UBR1: variants seen among roughly 807,000 people sequenced by gnomAD.
UBR1 encodes ubiquitin protein ligase E3 component n-recognin 1.
In UBR1, 102 loss-of-function variants were observed where a neutral mutation model predicts 242.1. The observed-to-expected ratio is 0.42, with a 90% confidence interval of 0.36 to 0.50. The LOEUF (loss-of-function observed/expected upper bound fraction) is 0.50. Among genes scored for constraint, UBR1 ranks in the 20% least tolerant of loss-of-function variants. UBR1 has a pLI of 0.01. For synonymous variants in UBR1, 675 were observed against 684.8 expected (o/e 0.99, Z 0.22); for missense variants, 1,772 against 2,101.8 (o/e 0.84, Z 3.07).
intron 42 of UBR1, among the ~76,000 whole-genome samples, chr15:42,961,278 A>G (rs146531517): frequency 6.6e-6 from 1 of 151,086 alleles, no homozygotes; most frequent in East Asian, 2.0e-4. Context: ...ATGCCCGGTT[A>G]ATTTTTTATT....
At chr15:43,008,106 G>C (rs2032861124) in intron 29 of UBR1, among the ~76,000 whole-genome samples, 1 of 152,230 alleles carries the variant, frequency 6.6e-6, no homozygotes, top group South Asian at 2.1e-4. Context: ...ATAATCCTAT[G>C]AGGTAGGTGG....
In UBR1 at chr15:43,019,092, C is replaced by T. The variant is rs189247438; in HGVS notation, c.2941-1911G>A. On this transcript the variant is annotated intron_variant, in intron 27 of 46. Coordinates refer to ENST00000290650, the MANE Select transcript of UBR1 (RefSeq NM_174916.3). ...TCTTTTTTTTTTTGAGACGGAGTCT[C>T]GCTTTGTCGCCCACGCTGGAGTGCA... Among the ~76,000 whole-genome samples, 149 of 151,910 alleles carry T rather than the reference C, an allele frequency of 9.8e-4. 1 individual carries two copies. Among genetic ancestry groups the T allele is most frequent in the African/African-American group, 3.5e-3 (146 of 41,464 alleles).
At chr15:43,024,804 G>A (rs2033157939) in intron 25 of UBR1, 25 bp downstream of exon 25, 9 of 1,613,930 alleles carry the variant, frequency 5.6e-6, no homozygotes, top group African/African-American at 1.3e-5. Context: ...ACTTGATGTA[G>A]AGAAAATATT....
intron 22 of UBR1, 139 bp downstream of exon 22, chr15:43,027,637 T>TTC: frequency 1.4e-6 from 1 of 729,020 alleles, no homozygotes; most frequent in Non-Finnish European, 2.3e-6. Flanking sequence ...GAGCCCCTCA[T>TTC]TCTCACCCTT....
At chr15:43,030,139 A>G in intron 20 of UBR1, 71 bp from the exon 21 acceptor site, 1 of 1,523,590 alleles carries the variant, frequency 6.6e-7, no homozygotes, top group Non-Finnish European at 8.9e-7. Flanking sequence ...CCCCATCAGA[A>G]GCACTTACAC....
rs549237263 is a variant in UBR1 at position 43,086,001 on chromosome 15, C to T, written c.321G>A (p.Glu107=). ...ATTCTTACCTGCAAGAATAGGTTGT[C>T]TCTCCACTTTTGAAAACCCTCCCAC... is the stretch of plus-strand genomic sequence containing the variant. ...QLCGRVFKSG[E]TTYSCRDCAI... Residue 107 remains glutamate (E), a synonymous_variant, in exon 2 of 47, where the codon GAG becomes GAA. Coordinates refer to ENST00000290650, the MANE Select transcript of UBR1 (RefSeq NM_174916.3). 6.2e-6 allele frequency: 10 copies of T among 1,613,446 alleles called. No homozygotes were observed. The highest frequency in any genetic ancestry group is 1.1e-5 in the South Asian group (1 of 91,054).
chr15:42,965,991 C>T (rs1385758985), intron 41 of UBR1, among the ~76,000 whole-genome samples, 162 bp downstream of exon 41: 1 of 152,034 alleles, frequency 6.6e-6, no homozygotes, highest in Non-Finnish European at 1.5e-5. Context: ...TTTGGCCTCA[C>T]CTTTAACCTA....
chr15:43,077,512 G>A (rs1045244252), intron 3 of UBR1, among the ~76,000 whole-genome samples: 7 of 151,022 alleles, frequency 4.6e-5, no homozygotes, highest in African/African-American at 1.2e-4. Context: ...CAAACACTGC[G>A]GAAGGCCGCA....
rs556977744 is a variant in UBR1, at chr15:43,036,424, T to A, written c.2088+104A>T. 5.1e-6 allele frequency: 6 copies of A among 1,187,508 alleles called. No homozygotes were observed. The Admixed American group carries it at 8.7e-5, about 17-fold the overall frequency. 73.6% of individuals were successfully genotyped at this position (1,187,508 alleles called of 1,614,324 possible). ...CTATGAGTCATAATCAGTTTAACAG[T>A]GAGAGTATTTTAAGTTAAAAATTAT... is the stretch of plus-strand genomic sequence containing the variant. On this transcript the variant is annotated intron_variant, in intron 18 of 46. Transcript: ENST00000290650.
At chr15:42,989,595 A>G (rs1260062746) in intron 34 of UBR1, among the ~76,000 whole-genome samples, 2 of 152,232 alleles carry the variant, frequency 1.3e-5, no homozygotes, top group Non-Finnish European at 2.9e-5. Flanking sequence ...TAACCTAATG[A>G]GGCAGGATAG....
chr15:42,998,820 A>C (rs1450488160), intron 32 of UBR1, among the ~76,000 whole-genome samples: 5 of 152,132 alleles, frequency 3.3e-5, no homozygotes, highest in African/African-American at 4.8e-5. Flanking sequence ...AGGATCATAT[A>C]ACTTCTAATC....
At chr15:43,024,493 C>G (rs996518247) in intron 25 of UBR1, among the ~76,000 whole-genome samples, 3 of 152,110 alleles carry the variant, frequency 2.0e-5, no homozygotes, top group Non-Finnish European at 4.4e-5. Context: ...GACGTCTAGA[C>G]CTATCTTCAA....
intron 42 of UBR1, among the ~76,000 whole-genome samples, chr15:42,961,903 C>T (rs1053171481): frequency 2.0e-5 from 3 of 150,820 alleles, no homozygotes; most frequent in Admixed American, 2.0e-4. Flanking sequence ...TACAGATGTG[C>T]GCCAACATGC....
At chr15:43,084,747 T>C (rs1366134773) in intron 2 of UBR1, among the ~76,000 whole-genome samples, 3 of 152,214 alleles carry the variant, frequency 2.0e-5, no homozygotes, top group South Asian at 4.1e-4. Flanking sequence ...CCACAGCGCC[T>C]GGCCAAGGCT....
intron 19 of UBR1, among the ~76,000 whole-genome samples, chr15:43,035,447 G>A (rs2033320231): frequency 6.6e-6 from 1 of 151,892 alleles, no homozygotes. Flanking sequence ...GTCTGTTCAT[G>A]TCCTTTGCCC....
intron 40 of UBR1, among the ~76,000 whole-genome samples, chr15:42,969,726 C>A (rs1188992150): frequency 2.0e-5 from 3 of 152,140 alleles, no homozygotes; most frequent in Non-Finnish European, 2.9e-5. Flanking sequence ...GGAGCCAAAT[C>A]ATGAGCAAAC....
At chr15:43,100,752 T>C (rs2034222572) in intron 1 of UBR1, among the ~76,000 whole-genome samples, 2 of 152,142 alleles carry the variant, frequency 1.3e-5, no homozygotes, top group African/African-American at 2.4e-5. Context: ...GGAGAATCGC[T>C]TGAATCCGGG....
intron 3 of UBR1, among the ~76,000 whole-genome samples, chr15:43,080,869 T>C (rs1370059426): frequency 6.6e-6 from 1 of 151,856 alleles, no homozygotes; most frequent in African/African-American, 2.4e-5. Flanking sequence ...GAGAAATGCA[T>C]GAACACAGGA....
chr15:43,087,762 G>A (rs1567149064), intron 1 of UBR1, among the ~76,000 whole-genome samples: 1 of 151,900 alleles, frequency 6.6e-6, no homozygotes, highest in Non-Finnish European at 1.5e-5. Context: ...TTTGCAGCAT[G>A]ACTATTTTTA....
Sources: allele counts gnomAD v4.1 joint callset (sites outside exome capture counted in the v4.1 genomes callset), GRCh38; gene constraint gnomAD v4.1.1; transcripts MANE v1.5; gene names NCBI Gene and HGNC (gene_info 2026-07-23, HGNC 2026-07-21).